Variants in KCNJ16 observed in about 807,000 individuals in gnomAD.
KCNJ16 encodes inward rectifier potassium channel 16.
Under a neutral mutation model 18.5 loss-of-function variants are expected in KCNJ16, and 15 were observed. The ratio of observed to expected loss-of-function variants is 0.81; its 90% CI spans 0.54 to 1.25. KCNJ16 has a LOEUF of 1.25. Among genes scored for constraint, KCNJ16 ranks in the 50% most tolerant of loss-of-function variants. The pLI, the probability that KCNJ16 is intolerant of heterozygous loss-of-function variation, is 0.00. For synonymous variants in KCNJ16, 174 were observed against 186.5 expected (o/e 0.93, Z 0.55); for missense variants, 523 against 525.7 (o/e 0.99, Z 0.05).
At chr17:70,124,810 T>C (rs1020144433) in intron 2 of KCNJ16, among the ~76,000 whole-genome samples, 1 of 152,256 alleles carries the variant, frequency 6.6e-6, no homozygotes, top group Non-Finnish European at 1.5e-5. Flanking sequence ...CAGTCCTGTC[T>C]CCTTTAGGCT....
intron 2 of KCNJ16, among the ~76,000 whole-genome samples, chr17:70,103,313 T>TACACAC (rs1331181285): frequency 9.0e-4 from 15 of 16,678 alleles, no homozygotes; most frequent in Non-Finnish European, 1.8e-3. Context: ...TATATATATA[T>TACACAC]ATATATATAC....
At chr17:70,129,305 A>G (rs1043574331) in intron 2 of KCNJ16, among the ~76,000 whole-genome samples, 2 of 152,268 alleles carry the variant, frequency 1.3e-5, no homozygotes, top group Non-Finnish European at 2.9e-5. Context: ...CAAATGCTAA[A>G]TATAAAATTC....
chr17:70,092,832 C>T (rs2072186274), intron 1 of KCNJ16, among the ~76,000 whole-genome samples: 1 of 152,120 alleles, frequency 6.6e-6, no homozygotes, highest in South Asian at 2.1e-4. Context: ...GCCCCATCTC[C>T]AGAAAAAGGA....
chr17:70,133,732 A>G lies in KCNJ16; in HGVS notation c.*388A>G. ...AAATAATACATTTTTAAACATGTCA[A>G]CATTGATAATACAATGAAGATTTAC... is the stretch of plus-strand genomic sequence containing the variant. On this transcript the variant is annotated 3_prime_UTR_variant, in exon 4 of 4. Transcript: ENST00000392671. 1 of 178,830 alleles carries G rather than the reference A, an allele frequency of 5.6e-6. No individual in the cohort carries two copies. Among genetic ancestry groups the G allele is most frequent in the Non-Finnish European group, 1.3e-5 (1 of 74,994 alleles). The allele number at this position is 178,830 out of a possible 1,614,324, so 11.1% of individuals were successfully genotyped here.
At chr17:70,102,961 G>T (rs1489999771) in intron 2 of KCNJ16, among the ~76,000 whole-genome samples, 1 of 151,336 alleles carries the variant, frequency 6.6e-6, no homozygotes, top group Non-Finnish European at 1.5e-5. Context: ...TTGAGACAGG[G>T]TCTCACTCTG....
chr17:70,111,373 C>T (rs756819754), intron 2 of KCNJ16, among the ~76,000 whole-genome samples: 42 of 152,190 alleles, frequency 2.8e-4, no homozygotes, highest in East Asian at 1.4e-3. Context: ...CTAAGGGGAA[C>T]GTGTCACTAA....
intron 2 of KCNJ16, among the ~76,000 whole-genome samples, chr17:70,106,478 A>G (rs1204531279): frequency 6.6e-6 from 1 of 152,184 alleles, no homozygotes; most frequent in African/African-American, 2.4e-5. Flanking sequence ...AAACTGATAG[A>G]GAGAGTGATA....
intron 2 of KCNJ16, among the ~76,000 whole-genome samples, chr17:70,120,686 A>G (rs2073599208): frequency 6.6e-6 from 1 of 152,132 alleles, no homozygotes; most frequent in African/African-American, 2.4e-5. Context: ...TTATATGACC[A>G]GACCTTGCAA....
chr17:70,084,121 G>A (rs138840937), intron 1 of KCNJ16, among the ~76,000 whole-genome samples: 74 of 152,284 alleles, frequency 4.9e-4, no homozygotes, highest in African/African-American at 1.6e-3. Flanking sequence ...TGGGTCGCCT[G>A]AGCACCTTGT....
intron 2 of KCNJ16, among the ~76,000 whole-genome samples, chr17:70,103,284 A>ATGTGTGTGTGTGTG (rs1426685277): frequency 7.9e-4 from 12 of 15,210 alleles, no homozygotes; most frequent in Admixed American, 1.1e-3. Context: ...TAATATGCAT[A>ATGTGTGTGTGTGTG]TATGTGTGTG....
intron 2 of KCNJ16, among the ~76,000 whole-genome samples, chr17:70,124,943 G>C (rs181197138): frequency 3.1e-4 from 46 of 149,518 alleles, no homozygotes; most frequent in Non-Finnish European, 4.9e-4. Context: ...AAGGAGCAGG[G>C]GATCTCCCAT....
At chr17:70,090,145 G>A (rs893790484) in intron 1 of KCNJ16, among the ~76,000 whole-genome samples, 19 of 152,348 alleles carry the variant, frequency 1.2e-4, no homozygotes, top group African/African-American at 4.6e-4. Context: ...AGGCAGAACT[G>A]GCTGTTTCTG....
intron 2 of KCNJ16, among the ~76,000 whole-genome samples, chr17:70,120,384 G>A (rs545474645): frequency 2.6e-4 from 40 of 152,072 alleles, no homozygotes; most frequent in South Asian, 4.1e-4. Context: ...GCATTTTCAC[G>A]TGTCTTTGTA....
chr17:70,130,974 T>C lies in KCNJ16; in HGVS notation c.-95T>C, dbSNP rs1343923633. 10 of 1,535,466 alleles carry C rather than the reference T, an allele frequency of 6.5e-6. No homozygotes were observed. Among genetic ancestry groups the C allele is most frequent in the Non-Finnish European group, 7.8e-6 (9 of 1,146,512 alleles). On this transcript the variant is annotated splice_region_variant and 5_prime_UTR_variant, in exon 3 of 4. It removes an upstream start codon present in the reference 5' UTR. Coordinates refer to ENST00000392671, the MANE Select transcript of KCNJ16 (RefSeq NM_170741.4). Reference sequence around the variant, plus strand: ...CCTATTATACCATGGATGCTAAAAATGGTAAGAGCTGCATGTTCTGCCTTG... The same window carrying C: ...CCTATTATACCATGGATGCTAAAAACGGTAAGAGCTGCATGTTCTGCCTTG...
intron 2 of KCNJ16, chr17:70,101,256 G>T (rs1214491955): frequency 1.3e-5 from 2 of 152,088 alleles, no homozygotes; most frequent in Non-Finnish European, 2.9e-5. Flanking sequence ...ATAACCACAG[G>T]TCATCTTCCC....
chr17:70,127,701 G>T (rs1010368528), intron 2 of KCNJ16, among the ~76,000 whole-genome samples: 1 of 152,014 alleles, frequency 6.6e-6, no homozygotes, highest in East Asian at 1.9e-4. Flanking sequence ...ACAGAATTAG[G>T]CCATCTCTTC....
At chr17:70,107,335 T>C (rs2072977452) in intron 2 of KCNJ16, among the ~76,000 whole-genome samples, 1 of 152,190 alleles carries the variant, frequency 6.6e-6, no homozygotes, top group Non-Finnish European at 1.5e-5. Flanking sequence ...TAATAAGCCA[T>C]ATCATCAAAA....
chr17:70,076,721 T>C (rs2071328489), intron 1 of KCNJ16, among the ~76,000 whole-genome samples: 2 of 152,142 alleles, frequency 1.3e-5, no homozygotes, highest in Non-Finnish European at 2.9e-5. Flanking sequence ...TTCTATTATA[T>C]AGATTAGTGG....
At chr17:70,103,220 A>G (rs1598127344) in intron 2 of KCNJ16, among the ~76,000 whole-genome samples, 1 of 144,096 alleles carries the variant, frequency 6.9e-6, no homozygotes, top group Admixed American at 7.0e-5. Flanking sequence ...TTGTGTATAT[A>G]TATGTGTATT....
Sources: allele counts gnomAD v4.1 joint callset (sites outside exome capture counted in the v4.1 genomes callset), GRCh38; gene constraint gnomAD v4.1.1; transcripts MANE v1.5; gene names NCBI Gene and HGNC (gene_info 2026-07-23, HGNC 2026-07-21).